The following SNX5 variants were observed in gnomAD, a reference collection of about 807,000 sequenced individuals.
SNX5 encodes the protein sorting nexin 5.
Under a neutral mutation model 53.9 loss-of-function variants are expected in SNX5, and 31 were observed. The observed-to-expected ratio is 0.58, with a 90% CI of 0.43 to 0.78. The LOEUF is 0.78. Ranked by LOEUF, SNX5 falls within the 30% of genes least tolerant of loss-of-function variation. The pLI, the probability that SNX5 is intolerant of heterozygous loss-of-function variation, is 0.00. For synonymous variants in SNX5, 168 were observed against 171.1 expected, an observed-to-expected ratio of 0.98 and a Z score of 0.14; for missense variants, 471 against 478.8, an observed-to-expected ratio of 0.98 and a Z score of 0.15.
chr20:17,961,719 T>C (rs2035453564), intron 1 of SNX5: 7 of 985,362 alleles, frequency 7.1e-6, no homozygotes, highest in African/African-American at 1.7e-5. Flanking sequence ...TTTCAAACTA[T>C]CTGTTCCTAG....
At chr20:17,966,384 CAAAAA>C (rs57885295) in intron 1 of SNX5, among the ~76,000 whole-genome samples, 8 of 125,564 alleles carry the variant, frequency 6.4e-5, no homozygotes, top group Non-Finnish European at 1.2e-4. Flanking sequence ...GACTCCGTCT[CAAAAA>C]AAAAAAAAAA....
At chr20:17,967,929 G>GCC (rs1568601001) in intron 1 of SNX5, 4 of 392,958 alleles carry the variant, frequency 1.0e-5, no homozygotes, top group African/African-American at 6.7e-5. Context: ...AAGTTGTTTG[G>GCC]GCCCCCCCCC....
At chr20:17,945,094 A>G (rs1030117438) in intron 11 of SNX5, 4 of 152,224 alleles carry the variant, frequency 2.6e-5, no homozygotes, top group African/African-American at 9.6e-5. Context: ...ACTACAATAC[A>G]AGCAGCCACA....
chr20:17,943,084 T>G, intron 12 of SNX5, 26 bp downstream of exon 12: 1 of 1,436,876 alleles, frequency 7.0e-7, no homozygotes, highest in Non-Finnish European at 9.8e-7. Context: ...TAAAAGATGT[T>G]GGCTTCATCT....
chr20:17,954,158 A>G (rs201990280), intron 3 of SNX5, 41 bp from the exon 4 acceptor site: 10 of 1,608,854 alleles, frequency 6.2e-6, no homozygotes, highest in Non-Finnish European at 8.5e-6. Context: ...TTGTCCCAGC[A>G]GCGATGTTTT....
chr20:17,967,035 A>C (rs996109797), intron 1 of SNX5, among the ~76,000 whole-genome samples: 1 of 152,168 alleles, frequency 6.6e-6, no homozygotes, highest in Non-Finnish European at 1.5e-5. Context: ...GTAGCCTCTA[A>C]AACAGGCAGG....
chr20:17,961,631 C>T (rs2035452167), intron 1 of SNX5: 1 of 984,354 alleles, frequency 1.0e-6, no homozygotes, highest in Non-Finnish European at 1.2e-6. Context: ...AGACACATAT[C>T]TATTTAAATG....
intron 11 of SNX5, chr20:17,947,126 A>G (rs1334847006): frequency 1.6e-5 from 3 of 188,714 alleles, no homozygotes; most frequent in Admixed American, 6.1e-5. Flanking sequence ...CAAGACAAAC[A>G]TGAAAATACA....
chr20:17,942,329 C>T lies in SNX5; in HGVS notation c.*28G>A. 1 of 1,479,872 alleles carries T rather than the reference C, an allele frequency of 6.8e-7. No homozygotes were observed. The allele number at this position is 1,479,872 out of a possible 1,614,324, so 91.7% of individuals were successfully genotyped here. A position where few individuals can be genotyped will look rare whatever the true frequency, so the allele number is the denominator to read the frequency against. ...GTGATGCTTGGCTTTCTTTCACATT[C>T]ATTTCTTTTCTTCTGAGTGAAGGCA... On this transcript the variant is annotated 3_prime_UTR_variant, in exon 13 of 13. Transcript: ENST00000377759.
intron 3 of SNX5, among the ~76,000 whole-genome samples, chr20:17,954,972 A>G (rs2035327942): frequency 6.6e-6 from 1 of 152,228 alleles, no homozygotes; most frequent in Non-Finnish European, 1.5e-5. Context: ...TTGGCCTCCC[A>G]AAGTGCTAGG....
At chr20:17,965,505 C>G (rs1024495294) in intron 1 of SNX5, among the ~76,000 whole-genome samples, 1 of 151,914 alleles carries the variant, frequency 6.6e-6, no homozygotes, top group African/African-American at 2.4e-5. Flanking sequence ...CCCATCTCTA[C>G]CAAAAAATAC....
intron 8 of SNX5, 142 bp from the exon 9 acceptor site, chr20:17,949,245 C>T (rs1600336592): frequency 4.5e-6 from 3 of 673,796 alleles, no homozygotes; most frequent in Non-Finnish European, 5.2e-6. Flanking sequence ...AGTGCTCTCA[C>T]TTCAACTGAC....
At chr20:17,963,005 T>C (rs762487610) in intron 1 of SNX5, 2 of 429,588 alleles carry the variant, frequency 4.7e-6, no homozygotes, top group Non-Finnish European at 9.3e-6. Flanking sequence ...AATTACTGCC[T>C]TAAATATCTA....
rs895276778 is a variant in SNX5, at chr20:17,950,356, A to T, written c.650T>A (p.Ile217Asn). ...ATCTTTGATCCTATTGTAATAGTTA[A>T]TAAGGAAGTTCTTCTCTTGCTCAAA... ...DFFEQEKNFL[I>N]NYYNRIKDSC... The change falls in exon 7 of 13, where the codon ATT (isoleucine) becomes AAT (asparagine). Residue 217 changes from isoleucine (I) to asparagine (N), a missense_variant. Physicochemically the swap from Ile to Asn is moderately radical, Grantham distance 149. Coordinates refer to ENST00000377759, the MANE Select transcript of SNX5 (RefSeq NM_014426.4). 7 of 1,613,372 alleles carry T rather than the reference A, an allele frequency of 4.3e-6. No homozygotes were observed. The Admixed American group carries it at 1.0e-4, about 23-fold the overall frequency.
At chr20:17,954,299 G>A in intron 3 of SNX5, 182 bp from the exon 4 acceptor site, 2 of 889,892 alleles carry the variant, frequency 2.2e-6, no homozygotes, top group Non-Finnish European at 3.2e-6. Context: ...AAAATGAGGT[G>A]TCTTCCTGAG....
Position 17,950,415 on chromosome 20 carries a change from G to C in SNX5, c.610-19C>G. On this transcript the variant is annotated intron_variant, in intron 6 of 12. Coordinates refer to ENST00000377759, the MANE Select transcript of SNX5 (RefSeq NM_014426.4). ...CTACCTCCTAGAAGGAAGAAAAAAA[G>C]AACCAGACATTTCATGAAATATACT... 1.4e-6 allele frequency: 2 copies of C among 1,400,682 alleles called. No individual in the cohort carries two copies. The highest frequency in any genetic ancestry group is 1.4e-5 in the African/African-American group (1 of 69,946). The allele number at this position is 1,400,682 out of a possible 1,614,324, so 86.8% of individuals were successfully genotyped here.
intron 1 of SNX5, among the ~76,000 whole-genome samples, chr20:17,963,372 G>A (rs1436627966): frequency 6.6e-6 from 1 of 152,178 alleles, no homozygotes; most frequent in Non-Finnish European, 1.5e-5. Flanking sequence ...AGGCTGAGGT[G>A]GGAAGATCAC....
rs1600328171 is a variant in SNX5, at chr20:17,942,503, G to A, written c.1165-96C>T. Reference sequence around the variant, plus strand: ...ACACCAACACGGCTTTTCACGGGAGGTTTAAAGTCAGCCAGAGCAAGCTGG... The same window carrying A: ...ACACCAACACGGCTTTTCACGGGAGATTTAAAGTCAGCCAGAGCAAGCTGG... On this transcript the variant is annotated intron_variant, in intron 12 of 12. Transcript: ENST00000377759. The A allele has an allele frequency of 5.3e-6, 5 of 945,178 alleles. No homozygotes were observed. The East Asian group carries it at 1.2e-4, about 23-fold the overall frequency. The allele number at this position is 945,178 out of a possible 1,614,324, so 58.5% of individuals were successfully genotyped here.
At chr20:17,960,538 G>A (rs2035429534) in intron 1 of SNX5, among the ~76,000 whole-genome samples, 1 of 152,140 alleles carries the variant, frequency 6.6e-6, no homozygotes, top group African/African-American at 2.4e-5. Flanking sequence ...AGGTTGCAGT[G>A]AGCCGACATC....
Sources: allele counts gnomAD v4.1 joint callset (sites outside exome capture counted in the v4.1 genomes callset), GRCh38; gene constraint gnomAD v4.1.1; transcripts MANE v1.5; gene names NCBI Gene and HGNC (gene_info 2026-07-23, HGNC 2026-07-21).